HS3ST4: variants seen among roughly 807,000 people sequenced by gnomAD.
HS3ST4 encodes heparan sulfate glucosamine 3-O-sulfotransferase 4.
Under a neutral mutation model 29.2 loss-of-function variants are expected in HS3ST4, and 17 were observed. That is an observed-to-expected ratio of 0.58 (90% CI 0.40 to 0.87). HS3ST4 has a LOEUF of 0.87. Ranked by LOEUF, HS3ST4 falls within the 40% of genes least tolerant of loss-of-function variation. The probability of loss-of-function intolerance (pLI) is 0.00; values close to 1 mark genes in which losing one functional copy is unlikely to be tolerated. For missense variants in HS3ST4, 627 were observed against 634.5 expected (o/e 0.99, Z 0.13); for synonymous variants, 314 against 285.7 (o/e 1.10, Z -1.00).
chr16:25,986,220 A>G (rs1348454068), intron 1 of HS3ST4, among the ~76,000 whole-genome samples: 1 of 152,118 alleles, frequency 6.6e-6, no homozygotes, highest in Non-Finnish European at 1.5e-5. Context: ...ACCTTCTCCT[A>G]CTAGAATGTG....
At chr16:25,964,604 G>A (rs1414689660) in intron 1 of HS3ST4, among the ~76,000 whole-genome samples, 1 of 152,166 alleles carries the variant, frequency 6.6e-6, no homozygotes, top group African/African-American at 2.4e-5. Context: ...GCTAGGAAAT[G>A]ATGGAGCTGG....
At position 25,838,967 on chromosome 16, in the gene HS3ST4, G is replaced by C. The variant is rs1490859971; in HGVS notation, c.734+145816G>C. On this transcript the variant is annotated intron_variant, in intron 1 of 1. Coordinates refer to ENST00000331351, the MANE Select transcript of HS3ST4 (RefSeq NM_006040.3). ...AATCGGTCTTGGCACTGTGGAATTT[G>C]GCCTTTGGTTAAGGGGATCTGGCAG... 3.3e-5 allele frequency among the ~76,000 whole-genome samples: 5 copies of C among 152,128 alleles called. No individual in the cohort carries two copies. The South Asian group carries it at 1.0e-3, about 32-fold the overall frequency.
intron 1 of HS3ST4, among the ~76,000 whole-genome samples, chr16:25,714,037 G>A (rs2141586195): frequency 6.6e-6 from 1 of 152,144 alleles, no homozygotes; most frequent in African/African-American, 2.4e-5. Context: ...AGGTCCTGGG[G>A]CTTAGAGTCT....
At chr16:25,738,973 A>G (rs1329536347) in intron 1 of HS3ST4, among the ~76,000 whole-genome samples, 1 of 152,204 alleles carries the variant, frequency 6.6e-6, no homozygotes, top group Non-Finnish European at 1.5e-5. Context: ...AATACCCTTC[A>G]TAGCACTTGC....
At chr16:25,801,755 ATTTATTTAATCATAAATATTCAGCCTCT>A (rs1370262048) in intron 1 of HS3ST4, among the ~76,000 whole-genome samples, 1 of 152,188 alleles carries the variant, frequency 6.6e-6, no homozygotes, top group Non-Finnish European at 1.5e-5. Flanking sequence ...TATAAAGGCT[ATTTATTTAATCATAAATATTCAGCCTCT>A]TACAATATAG....
chr16:26,013,877 G>T (rs918480155), intron 1 of HS3ST4, among the ~76,000 whole-genome samples: 1 of 152,034 alleles, frequency 6.6e-6, no homozygotes, highest in South Asian at 2.1e-4. Flanking sequence ...GGGTGTGGTG[G>T]CATGCCCGTA....
rs75718623 is a variant in HS3ST4, at chr16:25,969,819, T to C, written c.735-165793T>C. ...TTGTCCTCTTCTGATAAGGAGCAGATGGTCCCCATTTCAGATCATCCAGGA... is the reference window on the plus strand; with the variant it reads ...TTGTCCTCTTCTGATAAGGAGCAGACGGTCCCCATTTCAGATCATCCAGGA... On this transcript the variant is annotated intron_variant, in intron 1 of 1. Transcript: ENST00000331351. Among the ~76,000 whole-genome samples, 13 of 152,326 alleles carry C rather than the reference T, an allele frequency of 8.5e-5. No homozygotes were observed. In the East Asian group the frequency reaches 2.5e-3, roughly 29 times the overall value.
intron 1 of HS3ST4, among the ~76,000 whole-genome samples, chr16:25,706,089 C>T (rs554673663): frequency 3.5e-4 from 53 of 152,274 alleles, no homozygotes; most frequent in African/African-American, 1.2e-3. Flanking sequence ...GGGCAGACTG[C>T]GTAAAGATCT....
chr16:25,762,795 T>C (rs765111864), intron 1 of HS3ST4, among the ~76,000 whole-genome samples: 3 of 136,464 alleles, frequency 2.2e-5, no homozygotes, highest in Non-Finnish European at 4.6e-5. Flanking sequence ...GAGGATCCTT[T>C]GAACTCAGGA....
chr16:26,076,206 G>A (rs1898662657), intron 1 of HS3ST4, among the ~76,000 whole-genome samples: 1 of 152,202 alleles, frequency 6.6e-6, no homozygotes. Flanking sequence ...TGAGAGAGAG[G>A]CATAATGTGC....
intron 1 of HS3ST4, among the ~76,000 whole-genome samples, chr16:26,114,036 G>A (rs79701794): frequency 0.01 from 1,597 of 152,320 alleles, 25 homozygotes; most frequent in African/African-American, 0.036. Context: ...GGTTCAGTCA[G>A]TGGTGGGGAA....
intron 1 of HS3ST4, among the ~76,000 whole-genome samples, chr16:26,130,988 T>C (rs567500525): frequency 6.6e-6 from 1 of 152,380 alleles, no homozygotes; most frequent in East Asian, 1.9e-4. Context: ...TTCCCAGTAG[T>C]GTCCACATCA....
At chr16:26,107,572 T>C (rs1463798221) in intron 1 of HS3ST4, among the ~76,000 whole-genome samples, 1 of 152,220 alleles carries the variant, frequency 6.6e-6, no homozygotes, top group African/African-American at 2.4e-5. Context: ...GTCTTCAATG[T>C]CCATTATACC....
rs959350874 is a variant in HS3ST4 at position 25,949,186 on chromosome 16, C to T, written c.735-186426C>T. Among the ~76,000 whole-genome samples, 23 of 152,174 alleles carry T rather than the reference C, an allele frequency of 1.5e-4. 1 individual carries two copies. Among genetic ancestry groups the T allele is most frequent in the African/African-American group, 5.3e-4 (22 of 41,500 alleles). ...GTGGAGAATGGGGTATCCAACCCCT[C>T]AAGCATTTATCCTTTGAGTTACAAA... is the stretch of plus-strand genomic sequence containing the variant. On this transcript the variant is annotated intron_variant, in intron 1 of 1. Transcript: ENST00000331351.
At chr16:25,814,956 C>T (rs1967078783) in intron 1 of HS3ST4, among the ~76,000 whole-genome samples, 1 of 152,178 alleles carries the variant, frequency 6.6e-6, no homozygotes, top group African/African-American at 2.4e-5. Context: ...AGGACTAGTG[C>T]ATTTGTCTGT....
intron 1 of HS3ST4, among the ~76,000 whole-genome samples, chr16:26,079,680 A>G (rs1425140757): frequency 6.6e-6 from 1 of 152,200 alleles, no homozygotes. Context: ...CAGAGCAAGG[A>G]TTTGAACTGA....
intron 1 of HS3ST4, among the ~76,000 whole-genome samples, chr16:25,956,216 T>C (rs1483224118): frequency 1.3e-5 from 2 of 152,234 alleles, no homozygotes; most frequent in African/African-American, 4.8e-5. Flanking sequence ...CATGAAACAT[T>C]GTTTGCCATT....
At chr16:25,818,056 T>A (rs181899454) in intron 1 of HS3ST4, among the ~76,000 whole-genome samples, 1 of 152,332 alleles carries the variant, frequency 6.6e-6, no homozygotes, top group Non-Finnish European at 1.5e-5. Context: ...CAAGGTTTCT[T>A]CACCAGTAAA....
chr16:25,818,662 C>T (rs911057878), intron 1 of HS3ST4, among the ~76,000 whole-genome samples: 1 of 151,802 alleles, frequency 6.6e-6, no homozygotes, highest in Admixed American at 6.6e-5. Context: ...CTCTGAAGGC[C>T]TTTGATAAAA....
Sources: gnomAD v4.1 joint callset for allele counts (sites outside exome capture counted in the v4.1 genomes callset) on GRCh38, gnomAD v4.1.1 for gene constraint, MANE v1.5 for transcripts, NCBI Gene and HGNC (gene_info 2026-07-23, HGNC 2026-07-21) for gene names.